The following ARHGEF10L variants were observed in gnomAD, a reference collection of about 807,000 sequenced individuals.
ARHGEF10L encodes Rho guanine nucleotide exchange factor 10 like, also known as rho guanine nucleotide exchange factor 10-like protein.
In ARHGEF10L, 69 loss-of-function variants were observed where a neutral mutation model predicts 141.2. The observed-to-expected ratio is 0.49, with a 90% CI of 0.40 to 0.60. The LOEUF is 0.60. Among genes scored for constraint, ARHGEF10L ranks in the 20% least tolerant of loss-of-function variants. The probability of loss-of-function intolerance (pLI) is 0.00; values close to 1 mark genes in which losing one functional copy is unlikely to be tolerated. For missense variants in ARHGEF10L, 1,482 were observed against 1,734.3 expected (o/e 0.85, Z 2.58); for synonymous variants, 711 against 718.5 (o/e 0.99, Z 0.17).
intron 1 of ARHGEF10L, among the ~76,000 whole-genome samples, chr1:17,562,958 G>A (rs2077601239): frequency 1.3e-5 from 2 of 152,224 alleles, no homozygotes; most frequent in South Asian, 2.1e-4. Flanking sequence ...CAGGGCAAGA[G>A]GGGCCCTGGG....
chr1:17,555,501 G>A (rs555035499), intron 1 of ARHGEF10L, among the ~76,000 whole-genome samples: 1 of 152,202 alleles, frequency 6.6e-6, no homozygotes, highest in South Asian at 2.1e-4. Context: ...GATTACAGGT[G>A]CACACCACCA....
chr1:17,523,481 G>A, the ARHGEF10L span, among the ~76,000 whole-genome samples: 1 of 152,116 alleles, frequency 6.6e-6, no homozygotes, highest in Non-Finnish European at 1.5e-5. Flanking sequence ...AGCCCTCCTG[G>A]CAACCCCATT....
intron 26 of ARHGEF10L, among the ~76,000 whole-genome samples, chr1:17,681,834 G>A (rs563930204): frequency 6.6e-6 from 1 of 152,184 alleles, no homozygotes; most frequent in Non-Finnish European, 1.5e-5. Flanking sequence ...TTTCCCCCTG[G>A]GGCTTTGTCA....
chr1:17,532,783 C>T, the ARHGEF10L span, among the ~76,000 whole-genome samples: 7 of 152,032 alleles, frequency 4.6e-5, no homozygotes, highest in East Asian at 7.7e-4. Flanking sequence ...TCAGTAGAGA[C>T]GGGGTTTCCC....
chr1:17,543,836 C>T (rs542044164), intron 1 of ARHGEF10L, among the ~76,000 whole-genome samples: 55 of 149,840 alleles, frequency 3.7e-4, no homozygotes, highest in African/African-American at 1.2e-3. Flanking sequence ...TTAGTAGAGA[C>T]GGGGTTTTAC....
chr1:17,587,683 A>C (rs766470398), intron 3 of ARHGEF10L, 38 bp downstream of exon 3: 2 of 1,576,388 alleles, frequency 1.3e-6, no homozygotes, highest in Non-Finnish European at 1.7e-6. Flanking sequence ...CTGGGGCTAC[A>C]GGGAGCATGG....
upstream of ARHGEF10L, among the ~76,000 whole-genome samples, chr1:17,539,181 T>G (rs2076628743): frequency 1.3e-5 from 2 of 151,280 alleles, no homozygotes; most frequent in Non-Finnish European, 2.9e-5. This position sits in a 1 kb window ranked among gnomAD's most constrained non-coding sequence, Gnocchi z 6.0. Flanking sequence ...CTTGGAGGTT[T>G]GGCTGCATGG....
chr1:17,515,210 G>A, the ARHGEF10L span, among the ~76,000 whole-genome samples: 1 of 152,142 alleles, frequency 6.6e-6, no homozygotes, highest in African/African-American at 2.4e-5. Context: ...GCTGACAGAA[G>A]TGTGGGAGAG....
intron 15 of ARHGEF10L, among the ~76,000 whole-genome samples, chr1:17,629,424 G>A (rs2060557733): frequency 6.6e-6 from 1 of 152,154 alleles, no homozygotes; most frequent in African/African-American, 2.4e-5. Flanking sequence ...GGGAGGGTAG[G>A]AAGAGCTGGC....
intron 9 of ARHGEF10L, among the ~76,000 whole-genome samples, chr1:17,617,933 T>C (rs1308760694): frequency 6.6e-6 from 1 of 152,186 alleles, no homozygotes; most frequent in Non-Finnish European, 1.5e-5. Flanking sequence ...TGTGTCGCCT[T>C]GCACTTTTTC....
At position 17,587,570 on chromosome 1, in the gene ARHGEF10L, C is replaced by T. The variant is rs1418204237; in HGVS notation, c.148C>T (p.Leu50=). Residue 50 remains leucine (L), a synonymous_variant, in exon 3 of 29, where the codon CTG becomes TTG. Coordinates refer to ENST00000361221, the MANE Select transcript of ARHGEF10L (RefSeq NM_018125.4). ...SDDEEDTSAA[L]GVPSLAPERD... ...TGATGAAGAGGACACCAGCGCAGCC[C>T]TGGGCGTCCCCAGCCTTGCTCCTGA... 1 of 1,614,192 alleles carries T rather than the reference C, an allele frequency of 6.2e-7. No individual in the cohort carries two copies. Among genetic ancestry groups the T allele is most frequent in the Admixed American group, 1.7e-5 (1 of 60,022 alleles).
chr1:17,556,709 C>G (rs2077342319), intron 1 of ARHGEF10L, among the ~76,000 whole-genome samples: 2 of 152,140 alleles, frequency 1.3e-5, no homozygotes, highest in South Asian at 4.1e-4. Flanking sequence ...GCTAAGAAGG[C>G]AGATTCTTGG....
intron 1 of ARHGEF10L, among the ~76,000 whole-genome samples, chr1:17,565,615 G>A (rs755251412): frequency 6.6e-6 from 1 of 152,174 alleles, no homozygotes; most frequent in African/African-American, 2.4e-5. Flanking sequence ...CTTCTGGACC[G>A]CCAGTGGCTG....
chr1:17,627,234 AGTGTGTGTAGG>A lies in ARHGEF10L; in HGVS notation c.1411-94_1411-84del. On this transcript the variant is annotated intron_variant, in intron 14 of 28. Coordinates refer to ENST00000361221, the MANE Select transcript of ARHGEF10L (RefSeq NM_018125.4). The surrounding 1 kb of genome is among the most constrained non-coding windows in gnomAD (Gnocchi z 4.0). ...CTCAGGCCGGGCCCTTTGCAGACCC[AGTGTGTGTAGG>A]GGGTTGCGCAGGGTGAGGCTTTGCC... The A allele has an allele frequency of 6.9e-7, 1 of 1,458,888 alleles. No individual in the cohort carries two copies. Among genetic ancestry groups the A allele is most frequent in the East Asian group, 2.3e-5 (1 of 43,540 alleles). The allele number at this position is 1,458,888 out of a possible 1,614,324, so 90.4% of individuals were successfully genotyped here. A position where few individuals can be genotyped will look rare whatever the true frequency, so the allele number is the denominator to read the frequency against.
At chr1:17,692,024 A>G (rs960706728) in intron 27 of ARHGEF10L, among the ~76,000 whole-genome samples, 3 of 152,238 alleles carry the variant, frequency 2.0e-5, no homozygotes, top group Non-Finnish European at 4.4e-5. Flanking sequence ...ACCAGGGCTA[A>G]GAAGAGAAGT....
At position 17,558,067 on chromosome 1, in the gene ARHGEF10L, CATCCATCT is replaced by C. The variant is rs985011191; in HGVS notation, c.-44+18118_-44+18125del. Among the ~76,000 whole-genome samples the C allele has an allele frequency of 3.3e-5, 5 of 151,916 alleles. No homozygotes were observed. The highest frequency in any genetic ancestry group is 1.2e-4 in the African/African-American group (5 of 41,294). ...CCATTCATTTACCCACCCACCCGTG[CATCCATCT>C]GTCCATCTGTCCATCTGTCTACCCG... On this transcript the variant is annotated intron_variant, in intron 1 of 28. Transcript: ENST00000361221. This position sits in a 1 kb window ranked among gnomAD's most constrained non-coding sequence, Gnocchi z 4.2.
At chr1:17,594,723 G>C (rs1038439237) in intron 4 of ARHGEF10L, among the ~76,000 whole-genome samples, 1 of 152,094 alleles carries the variant, frequency 6.6e-6, no homozygotes. Flanking sequence ...GACCTCAAGT[G>C]ATCTGCCTGC....
rs541910518 is a variant in ARHGEF10L at position 17,571,993 on chromosome 1, G to T, written c.-43-8560G>T. Among the ~76,000 whole-genome samples, 22 of 152,320 alleles carry T rather than the reference G, an allele frequency of 1.4e-4. No individual in the cohort carries two copies. The South Asian group carries it at 3.5e-3, about 24-fold the overall frequency. On this transcript the variant is annotated intron_variant, in intron 1 of 28. Transcript: ENST00000361221. Reference sequence around the variant, plus strand: ...TGGCATCAGCTCAGAGGCCAGTTTGGGGGGGCTCCTCCAGTTGCCCATCTG... The same window carrying T: ...TGGCATCAGCTCAGAGGCCAGTTTGTGGGGGCTCCTCCAGTTGCCCATCTG...
chr1:17,636,797 C>A (rs1471105211), intron 18 of ARHGEF10L, among the ~76,000 whole-genome samples: 2 of 152,086 alleles, frequency 1.3e-5, no homozygotes, highest in East Asian at 3.9e-4. Flanking sequence ...AATGAAAACC[C>A]CAAATAAGGC....
Sources: gnomAD v4.1 joint callset for allele counts (sites outside exome capture counted in the v4.1 genomes callset) on GRCh38, gnomAD v4.1.1 for gene constraint, Gnocchi (gnomAD v3.1) non-coding constraint, MANE v1.5 for transcripts, NCBI Gene and HGNC (gene_info 2026-07-23, HGNC 2026-07-21) for gene names.